EDARADD: variants seen among roughly 807,000 people sequenced by gnomAD.
The protein encoded by EDARADD is ectodysplasin-A receptor-associated adapter protein.
In EDARADD, 20 loss-of-function variants were observed where a neutral mutation model predicts 25.6. The observed-to-expected ratio is 0.78, with a 90% confidence interval of 0.55 to 1.14. The LOEUF is 1.14. EDARADD is among the 50% of genes most tolerant of loss of function. EDARADD has a pLI of 0.00. For missense variants in EDARADD, 225 were observed against 270.1 expected (o/e 0.83, Z 1.17); for synonymous variants, 86 against 94.4 (o/e 0.91, Z 0.52).
At chr1:236,358,118 A>C (rs626523) in intron 3 of EDARADD, among the ~76,000 whole-genome samples, 1 of 151,978 alleles carries the variant, frequency 6.6e-6, no homozygotes. Context: ...TGTTCCACCC[A>C]ACTTCACCTC....
chr1:236,353,861 A>G (rs577483618), intron 3 of EDARADD, among the ~76,000 whole-genome samples: 222 of 152,220 alleles, frequency 1.5e-3, no homozygotes, highest in Non-Finnish European at 2.6e-3. Flanking sequence ...GTTGCTTAGC[A>G]AAATGACAGC....
At chr1:236,372,944 C>T (rs1352310219) in intron 3 of EDARADD, among the ~76,000 whole-genome samples, 2 of 116,640 alleles carry the variant, frequency 1.7e-5, no homozygotes, top group African/African-American at 3.3e-5. Flanking sequence ...GAGACAGAGT[C>T]GCTCTCTGTT....
intron 4 of EDARADD, among the ~76,000 whole-genome samples, chr1:236,437,567 T>G (rs1030574779): frequency 2.6e-5 from 4 of 151,958 alleles, no homozygotes; most frequent in African/African-American, 9.7e-5. Context: ...GGCCTGGATT[T>G]GGGTTGTGGC....
rs2103043858 is a variant in EDARADD, at chr1:236,484,277, T to C, written c.*1628T>C. 1.0e-6 allele frequency: 1 copy of C among 1,003,288 alleles called. No homozygotes were observed. The highest frequency in any genetic ancestry group is 1.3e-5 in the South Asian group (1 of 78,836). The allele number at this position is 1,003,288 out of a possible 1,614,324, so 62.1% of individuals were successfully genotyped here. A position where few individuals can be genotyped will look rare whatever the true frequency, so the allele number is the denominator to read the frequency against. On this transcript the variant is annotated 3_prime_UTR_variant, in exon 6 of 6. Coordinates refer to ENST00000334232, the MANE Select transcript of EDARADD (RefSeq NM_145861.4). The surrounding 1 kb of genome is among the most constrained non-coding windows in gnomAD (Gnocchi z 4.1). ...ATGGTTGGTGTGTCATGGTGCCTCA[T>C]CATTCTGGGGAGACTGAAAATACCT...
intron 4 of EDARADD, among the ~76,000 whole-genome samples, chr1:236,441,785 C>G (rs576507754): frequency 6.6e-6 from 1 of 152,190 alleles, no homozygotes; most frequent in African/African-American, 2.4e-5. Flanking sequence ...CTGTCTCGGC[C>G]TCCCAAATTG....
At chr1:236,447,896 C>T (rs1300481080) in intron 4 of EDARADD, among the ~76,000 whole-genome samples, 2 of 151,280 alleles carry the variant, frequency 1.3e-5, no homozygotes, top group African/African-American at 2.4e-5. Flanking sequence ...AGTGCAAAGG[C>T]GCAATCTCGG....
At chr1:236,457,621 C>T (rs1055148650) in intron 4 of EDARADD, among the ~76,000 whole-genome samples, 22 of 152,000 alleles carry the variant, frequency 1.4e-4, no homozygotes, top group Non-Finnish European at 2.9e-4. Flanking sequence ...GAGATAGAGA[C>T]CATCCTGGCC....
At chr1:236,478,281 G>A (rs1301904695) in intron 5 of EDARADD, among the ~76,000 whole-genome samples, 1 of 151,664 alleles carries the variant, frequency 6.6e-6, no homozygotes, top group Admixed American at 6.6e-5. Context: ...TGAAAGGTAT[G>A]CATCACATCT....
At chr1:236,409,147 A>T in intron 1 of EDARADD, 69 bp from the exon 2 acceptor site, 2 of 1,134,380 alleles carry the variant, frequency 1.8e-6, no homozygotes, top group Non-Finnish European at 2.6e-6. Flanking sequence ...GACAGTTATC[A>T]AAGGACTCAT....
chr1:236,448,313 G>A (rs1020367725), intron 4 of EDARADD, among the ~76,000 whole-genome samples: 6 of 152,210 alleles, frequency 3.9e-5, no homozygotes, highest in Admixed American at 3.9e-4. Context: ...GAGGAATGCA[G>A]ACACGTTCAC....
rs1558114160 is a variant in EDARADD at position 236,409,318 on chromosome 1, C to A, written c.120+44C>A. The A allele has an allele frequency of 2.0e-6, 3 of 1,486,122 alleles. No homozygotes were observed. The Admixed American group carries it at 5.1e-5, about 25-fold the overall frequency. 92.1% of individuals were successfully genotyped at this position (1,486,122 alleles called of 1,614,324 possible). A position where few individuals can be genotyped will look rare whatever the true frequency, so the allele number is the denominator to read the frequency against. ...ACTAATGGTGATAATTATTGTTTTGCTTTTTTTCTTTGTTATTTCTTTACG... is the reference window on the plus strand; with the variant it reads ...ACTAATGGTGATAATTATTGTTTTGATTTTTTTCTTTGTTATTTCTTTACG... On this transcript the variant is annotated intron_variant, in intron 2 of 5. Transcript: ENST00000334232.
At position 236,483,714 on chromosome 1, in the gene EDARADD, A is replaced by G; in HGVS notation, c.*1065A>G. ...AGCAAACTTCAGGGAAGCCATGCCC[A>G]TTGGAGCGGAGGTTTACCACAGCCT... On this transcript the variant is annotated 3_prime_UTR_variant, in exon 6 of 6. Coordinates refer to ENST00000334232, the MANE Select transcript of EDARADD (RefSeq NM_145861.4). 3 of 1,549,152 alleles carry G rather than the reference A, an allele frequency of 1.9e-6. No individual in the cohort carries two copies. The highest frequency in any genetic ancestry group is 1.1e-5 in the South Asian group (1 of 89,806).
intron 5 of EDARADD, among the ~76,000 whole-genome samples, chr1:236,469,554 T>C (rs1352597123): frequency 6.6e-6 from 1 of 152,150 alleles, no homozygotes; most frequent in Admixed American, 6.5e-5. Context: ...AAAGCATACA[T>C]TGACTGACTG....
At chr1:236,374,503 G>A (rs73121269) in intron 3 of EDARADD, among the ~76,000 whole-genome samples, 395 of 152,040 alleles carry the variant, frequency 2.6e-3, no homozygotes, top group African/African-American at 9.1e-3. Context: ...TCCTGGGCTC[G>A]AGCTATTTCC....
chr1:236,471,174 C>G (rs1000814765), intron 5 of EDARADD, among the ~76,000 whole-genome samples: 1 of 152,216 alleles, frequency 6.6e-6, no homozygotes, highest in Non-Finnish European at 1.5e-5. Flanking sequence ...CTGTCAGTTA[C>G]TTCCCAGTGC....
At chr1:236,391,307 A>G (rs1667423909), upstream of EDARADD, among the ~76,000 whole-genome samples, 1 of 152,216 alleles carries the variant, frequency 6.6e-6, no homozygotes, top group Admixed American at 6.5e-5. Flanking sequence ...ATTCTCAAGA[A>G]GAAAACTTGG....
chr1:236,393,175 A>C (rs1667448267), upstream of EDARADD, among the ~76,000 whole-genome samples: 1 of 152,144 alleles, frequency 6.6e-6, no homozygotes, highest in African/African-American at 2.4e-5. Context: ...AATGTAACAC[A>C]ACCTTAGAGT....
intron 1 of EDARADD, among the ~76,000 whole-genome samples, chr1:236,397,302 C>CG (rs1558109506): frequency 6.6e-6 from 1 of 151,906 alleles, no homozygotes; most frequent in South Asian, 2.1e-4. Context: ...CCCAGCTACT[C>CG]GGGGGGCTGA....
intron 4 of EDARADD, among the ~76,000 whole-genome samples, chr1:236,434,984 TG>T (rs1658203538): frequency 6.6e-6 from 1 of 152,164 alleles, no homozygotes; most frequent in Non-Finnish European, 1.5e-5. Context: ...CTTTGTTGGT[TG>T]GTTCAGAAAG....
Sources: allele counts gnomAD v4.1 joint callset (sites outside exome capture counted in the v4.1 genomes callset), GRCh38; gene constraint gnomAD v4.1.1; non-coding constraint Gnocchi (gnomAD v3.1); transcripts MANE v1.5; gene names NCBI Gene and HGNC (gene_info 2026-07-23, HGNC 2026-07-21).